FER: variants seen among roughly 807,000 people sequenced by gnomAD.
FER encodes the protein FER tyrosine kinase, also known as tyrosine-protein kinase Fer.
Under a neutral mutation model 111.0 loss-of-function variants are expected in FER, and 63 were observed. The ratio of observed to expected loss-of-function variants is 0.57; its 90% CI spans 0.46 to 0.70. FER has a LOEUF of 0.70. Ranked by LOEUF, FER falls within the 30% of genes least tolerant of loss-of-function variation. The probability of loss-of-function intolerance (pLI) is 0.00; values close to 1 mark genes in which losing one functional copy is unlikely to be tolerated. For synonymous variants in FER, 327 were observed against 313.9 expected (o/e 1.04, Z -0.44); for missense variants, 914 against 954.0 (o/e 0.96, Z 0.55).
intron 13 of FER, among the ~76,000 whole-genome samples, chr5:109,033,593 A>G (rs1769945511): frequency 6.6e-6 from 1 of 152,112 alleles, no homozygotes; most frequent in Non-Finnish European, 1.5e-5. Context: ...TCATCATATA[A>G]CTGAAATTGA....
At chr5:108,991,979 A>C (rs1175530719) in intron 13 of FER, among the ~76,000 whole-genome samples, 1 of 152,080 alleles carries the variant, frequency 6.6e-6, no homozygotes, top group East Asian at 1.9e-4. Flanking sequence ...ACAGATAAAC[A>C]AGTGAACAAA....
intron 13 of FER, among the ~76,000 whole-genome samples, chr5:108,999,507 T>G (rs1002539866): frequency 6.6e-6 from 1 of 152,176 alleles, no homozygotes; most frequent in Non-Finnish European, 1.5e-5. Flanking sequence ...ATACAGAAGA[T>G]TCTTCTAGAG....
chr5:108,859,166 A>G (rs1040539792), intron 5 of FER, among the ~76,000 whole-genome samples: 3 of 152,180 alleles, frequency 2.0e-5, no homozygotes, highest in Admixed American at 6.5e-5. Context: ...GTGTTTCTCA[A>G]TTTGGTAGAT....
At chr5:109,030,597 A>AAAT (rs1275173368) in intron 13 of FER, among the ~76,000 whole-genome samples, 2 of 152,032 alleles carry the variant, frequency 1.3e-5, no homozygotes, top group African/African-American at 2.4e-5. Context: ...TGTTCATTTT[A>AAAT]ATGCTGCCTC....
At chr5:109,076,934 G>A (rs1397586359) in intron 16 of FER, among the ~76,000 whole-genome samples, 2 of 152,230 alleles carry the variant, frequency 1.3e-5, no homozygotes, top group African/African-American at 4.8e-5. Context: ...TATGGATGAT[G>A]ATAAGCCTGA....
intron 10 of FER, chr5:108,924,591 A>G (rs545767526): frequency 2.3e-5 from 28 of 1,229,972 alleles, no homozygotes; most frequent in Middle Eastern, 6.3e-4. Context: ...CTTTTGCCTC[A>G]CACAGGAAGG....
At chr5:109,081,183 A>C (rs1323000018) in intron 16 of FER, among the ~76,000 whole-genome samples, 2 of 152,066 alleles carry the variant, frequency 1.3e-5, no homozygotes, top group Non-Finnish European at 2.9e-5. Context: ...TGTAAAGTTG[A>C]AGTGAGAAAA....
chr5:108,894,315 A>G, intron 9 of FER: 1 of 871,340 alleles, frequency 1.1e-6, no homozygotes, highest in Non-Finnish European at 1.5e-6. Context: ...TCACCAATGA[A>G]AGAGGAAGGG....
chr5:109,015,336 T>G (rs1246019980), intron 13 of FER, among the ~76,000 whole-genome samples: 2 of 152,124 alleles, frequency 1.3e-5, no homozygotes, highest in Non-Finnish European at 2.9e-5. Flanking sequence ...AATACTTTCT[T>G]TTAAAATTGA....
At chr5:108,859,090 A>G (rs1456710401) in intron 5 of FER, among the ~76,000 whole-genome samples, 2 of 152,118 alleles carry the variant, frequency 1.3e-5, no homozygotes, top group African/African-American at 4.8e-5. Flanking sequence ...TTCTATAAGG[A>G]TTATACCAAT....
At chr5:109,018,555 G>A (rs1031190142) in intron 13 of FER, among the ~76,000 whole-genome samples, 1 of 151,770 alleles carries the variant, frequency 6.6e-6, no homozygotes, top group Non-Finnish European at 1.5e-5. Flanking sequence ...TAGTGGATGT[G>A]TAGAATGGTT....
At chr5:109,124,906 C>T (rs1010370866) in intron 17 of FER, among the ~76,000 whole-genome samples, 5 of 151,772 alleles carry the variant, frequency 3.3e-5, no homozygotes, top group South Asian at 2.1e-4. Flanking sequence ...ATTAGCCAGG[C>T]GTAGTGGCGG....
intron 10 of FER, among the ~76,000 whole-genome samples, chr5:108,937,136 A>G (rs1208517061): frequency 6.6e-6 from 1 of 152,042 alleles, no homozygotes; most frequent in African/African-American, 2.4e-5. Context: ...GTCTTGCTTA[A>G]CTTCATCATT....
intron 10 of FER, among the ~76,000 whole-genome samples, chr5:108,917,112 T>A (rs561073880): frequency 1.3e-5 from 2 of 152,280 alleles, no homozygotes; most frequent in East Asian, 3.9e-4. Flanking sequence ...GAGGCTTTCT[T>A]CTATTCCAGA....
intron 13 of FER, among the ~76,000 whole-genome samples, chr5:108,997,381 C>T (rs1764129966): frequency 6.8e-6 from 1 of 147,596 alleles, no homozygotes; most frequent in East Asian, 2.0e-4. Flanking sequence ...CATGCCACTG[C>T]ACTCCAGCCT....
chr5:109,052,640 G>A (rs953872723), intron 16 of FER, among the ~76,000 whole-genome samples: 1 of 152,198 alleles, frequency 6.6e-6, no homozygotes, highest in African/African-American at 2.4e-5. Flanking sequence ...GAAAAGTGCT[G>A]ATACCTCGTA....
intron 8 of FER, among the ~76,000 whole-genome samples, chr5:108,882,595 A>G (rs1274334009): frequency 1.3e-5 from 2 of 152,052 alleles, no homozygotes; most frequent in Non-Finnish European, 2.9e-5. Flanking sequence ...TTTGCGCTGC[A>G]GGTATTTCTT....
chr5:108,760,986 A>C (rs545605596), intron 1 of FER, among the ~76,000 whole-genome samples: 1 of 151,138 alleles, frequency 6.6e-6, no homozygotes, highest in East Asian at 2.0e-4. Flanking sequence ...GCTGGAGTGC[A>C]GTGGCACGAT....
chr5:108,820,227 C>T, intron 3 of FER: 2 of 985,230 alleles, frequency 2.0e-6, no homozygotes, highest in Non-Finnish European at 1.2e-6. Flanking sequence ...CTATAAAAGT[C>T]AAGGAGTTTG....
Sources: gnomAD v4.1 joint callset for allele counts (sites outside exome capture counted in the v4.1 genomes callset) on GRCh38, gnomAD v4.1.1 for gene constraint, MANE v1.5 for transcripts, NCBI Gene and HGNC (gene_info 2026-07-23, HGNC 2026-07-21) for gene names.